The following CDK5RAP1 variants were observed in gnomAD, a reference collection of about 807,000 sequenced individuals.
CDK5RAP1 encodes the protein mitochondrial tRNA methylthiotransferase CDK5RAP1.
In CDK5RAP1, 62 loss-of-function variants were observed where a neutral mutation model predicts 64.5. The ratio of observed to expected loss-of-function variants is 0.96; its 90% CI spans 0.78 to 1.19. The LOEUF (loss-of-function observed/expected upper bound fraction) is 1.19. Ranked by LOEUF, CDK5RAP1 falls within the 50% of genes most tolerant of loss-of-function variation. The pLI, the probability that CDK5RAP1 is intolerant of heterozygous loss-of-function variation, is 0.00. For missense variants in CDK5RAP1, 657 were observed against 735.0 expected, an observed-to-expected ratio of 0.89 and a Z score of 1.23; for synonymous variants, 250 against 261.9, an observed-to-expected ratio of 0.95 and a Z score of 0.44.
chr20:33,387,290 G>C, intron 6 of CDK5RAP1, 33 bp downstream of exon 6: 1 of 1,510,520 alleles, frequency 6.6e-7, no homozygotes, highest in Non-Finnish European at 9.1e-7. Context: ...AGGAGGAAGA[G>C]GCTTATTCCC....
chr20:33,360,690 A>G (rs1174510945), intron 12 of CDK5RAP1, among the ~76,000 whole-genome samples, 199 bp from the exon 13 acceptor site: 1 of 152,224 alleles, frequency 6.6e-6, no homozygotes, highest in Non-Finnish European at 1.5e-5. Context: ...GAAACACTGT[A>G]AAGTTTTGCT....
chr20:33,359,754 G>T (rs1183502223), intron 13 of CDK5RAP1: 1 of 155,016 alleles, frequency 6.5e-6, no homozygotes, highest in African/African-American at 2.4e-5. Flanking sequence ...TTCTGGTTCT[G>T]AGGCGAAGCA....
rs1398368001 is a variant in CDK5RAP1, at chr20:33,374,153, C to T, written c.1167G>A (p.Gln389=). The T allele has an allele frequency of 6.2e-7, 1 of 1,613,968 alleles. No individual in the cohort carries two copies. The highest frequency in any genetic ancestry group is 1.3e-5 in the African/African-American group (1 of 74,944). Residue 389 remains glutamine, a synonymous_variant, in exon 9 of 14, where the codon CAG becomes CAA. Coordinates refer to ENST00000346416, the MANE Select transcript of CDK5RAP1 (RefSeq NM_016408.4). ...NICKQIHLPA[Q]SGSSRVLEAM... Reference sequence around the variant, plus strand: ...CCTCCAACACACGGCTGCTTCCACTCTGGGCTGGCAGGTGGATCTGTTTAC... The same window carrying T: ...CCTCCAACACACGGCTGCTTCCACTTTGGGCTGGCAGGTGGATCTGTTTAC...
At chr20:33,396,556 T>C (rs1399035515) in intron 2 of CDK5RAP1, among the ~76,000 whole-genome samples, 1 of 152,188 alleles carries the variant, frequency 6.6e-6, no homozygotes, top group Non-Finnish European at 1.5e-5. Flanking sequence ...CATCTTGGCC[T>C]CCCAAAGTGC....
At chr20:33,375,615 CA>C (rs1012543278) in intron 8 of CDK5RAP1, among the ~76,000 whole-genome samples, 28 of 151,716 alleles carry the variant, frequency 1.8e-4, no homozygotes, top group African/African-American at 5.8e-4. Context: ...AAAAAACCTC[CA>C]AAAAAAGGTT....
chr20:33,370,161 T>G (rs933071806), intron 11 of CDK5RAP1, among the ~76,000 whole-genome samples: 9 of 152,162 alleles, frequency 5.9e-5, no homozygotes, highest in Non-Finnish European at 1.2e-4. Flanking sequence ...ATAAATCACA[T>G]CTGCAGACCA....
chr20:33,393,612 C>T (rs1211734213), intron 4 of CDK5RAP1, among the ~76,000 whole-genome samples: 1 of 152,076 alleles, frequency 6.6e-6, no homozygotes, highest in Non-Finnish European at 1.5e-5. Flanking sequence ...AAAGGAGGTA[C>T]GTTCACCTCT....
At chr20:33,359,194 T>A in intron 13 of CDK5RAP1, 71 bp from the exon 14 acceptor site, 1 of 1,162,120 alleles carries the variant, frequency 8.6e-7, no homozygotes, top group Non-Finnish European at 1.3e-6. Flanking sequence ...GTGGAGCCTC[T>A]AGAGGAGAAG....
chr20:33,376,545 C>A (rs1007647615), intron 8 of CDK5RAP1, among the ~76,000 whole-genome samples: 2 of 152,078 alleles, frequency 1.3e-5, no homozygotes, highest in African/African-American at 4.8e-5. Context: ...TGACAACGCA[C>A]CTGGTCATCC....
chr20:33,388,696 C>CG (rs1379291440), intron 5 of CDK5RAP1, among the ~76,000 whole-genome samples: 1 of 151,924 alleles, frequency 6.6e-6, no homozygotes, highest in Non-Finnish European at 1.5e-5. Context: ...ACTGTGCTGC[C>CG]GCCATCTCTG....
At chr20:33,375,312 G>C (rs1192020329) in intron 8 of CDK5RAP1, among the ~76,000 whole-genome samples, 1 of 148,812 alleles carries the variant, frequency 6.7e-6, no homozygotes, top group East Asian at 2.0e-4. Flanking sequence ...TGAGGCAGGA[G>C]AATCACTTGA....
chr20:33,387,607 T>C, intron 5 of CDK5RAP1, 74 bp from the exon 6 acceptor site: 1 of 1,200,706 alleles, frequency 8.3e-7, no homozygotes. Flanking sequence ...TATTCCACTT[T>C]ATCTGTAGCT....
intron 10 of CDK5RAP1, among the ~76,000 whole-genome samples, chr20:33,371,900 T>C (rs1160920294): frequency 6.6e-6 from 1 of 152,148 alleles, no homozygotes; most frequent in Non-Finnish European, 1.5e-5. Context: ...AAGGGGAATA[T>C]GGAATAAGAT....
At chr20:33,379,777 A>C in intron 7 of CDK5RAP1, 86 bp from the exon 8 acceptor site, 3 of 1,001,138 alleles carry the variant, frequency 3.0e-6, no homozygotes, top group Non-Finnish European at 4.5e-6. Flanking sequence ...TGAAATTAAC[A>C]TATCTTTTGT....
chr20:33,391,522 T>C (rs1988321377), intron 5 of CDK5RAP1, among the ~76,000 whole-genome samples: 1 of 151,980 alleles, frequency 6.6e-6, no homozygotes, highest in African/African-American at 2.4e-5. Flanking sequence ...GTACCCACAT[T>C]AGAAATTTGT....
chr20:33,371,242 T>C (rs984067987), intron 10 of CDK5RAP1, among the ~76,000 whole-genome samples: 2 of 152,130 alleles, frequency 1.3e-5, no homozygotes, highest in African/African-American at 4.8e-5. Context: ...TGCAGTGAAC[T>C]GTGTTCATGC....
At position 33,379,648 on chromosome 20, in the gene CDK5RAP1, AAAC is replaced by A; in HGVS notation, c.917_919del (p.Ser306_Phe307delinsIle). ...GAACTGGACCTCCGAATTGTCCCGA[AAAC>A]TATTAACATTCTGACCAAGAAGTGT... On this transcript the variant is annotated inframe_deletion, in exon 8 of 14. Coordinates refer to ENST00000346416, the MANE Select transcript of CDK5RAP1 (RefSeq NM_016408.4). 1 of 1,614,138 alleles carries A rather than the reference AAAC, an allele frequency of 6.2e-7. No individual in the cohort carries two copies. Among genetic ancestry groups the A allele is most frequent in the Non-Finnish European group, 8.5e-7 (1 of 1,180,002 alleles).
intron 7 of CDK5RAP1, among the ~76,000 whole-genome samples, chr20:33,381,504 G>A (rs1390193688): frequency 6.6e-6 from 1 of 152,086 alleles, no homozygotes; most frequent in Non-Finnish European, 1.5e-5. Flanking sequence ...TTGGCTCACT[G>A]CAATCTCCGC....
chr20:33,379,602 A>C lies in CDK5RAP1; in HGVS notation c.966T>G (p.Asn322Lys), dbSNP rs752945535. ...AGTTGGTGGTAAAGCCACGACTGAG[A>C]TTGGTAGGCACTGCACTGTTGAACT... ...EVQFNSAVPT[N>K]LSRGFTTNYK... is the part of the protein sequence containing the mutation. The change falls in exon 8 of 14, where the codon AAT becomes AAG. Residue 322 changes from asparagine to lysine, a missense_variant. Asn to Lys is a moderately conservative substitution (Grantham distance 94, BLOSUM62 0). Transcript: ENST00000346416. 6.2e-7 allele frequency: 1 copy of C among 1,614,058 alleles called. No homozygotes were observed. The highest frequency in any genetic ancestry group is 1.1e-5 in the South Asian group (1 of 91,078).
Sources: gnomAD v4.1 joint callset for allele counts (sites outside exome capture counted in the v4.1 genomes callset) on GRCh38, gnomAD v4.1.1 for gene constraint, MANE v1.5 for transcripts, NCBI Gene and HGNC (gene_info 2026-07-23, HGNC 2026-07-21) for gene names.